The following PPARGC1A variants were observed in gnomAD, a reference collection of about 807,000 sequenced individuals.
The protein encoded by PPARGC1A is PPARG coactivator 1 alpha.
Under a neutral mutation model 88.7 loss-of-function variants are expected in PPARGC1A, and 25 were observed. The observed-to-expected ratio is 0.28, with a 90% CI of 0.21 to 0.39. PPARGC1A has a LOEUF of 0.39. Ranked by LOEUF, PPARGC1A falls within the 10% of genes least tolerant of loss-of-function variation. PPARGC1A has a pLI of 1.00. For missense variants in PPARGC1A, 880 were observed against 968.7 expected (o/e 0.91, Z 1.22); for synonymous variants, 363 against 355.6 (o/e 1.02, Z -0.24).
chr4:24,060,001 C>T, the PPARGC1A span, among the ~76,000 whole-genome samples: 2 of 152,308 alleles, frequency 1.3e-5, no homozygotes, highest in Non-Finnish European at 2.9e-5. Context: ...ACACCTGGGA[C>T]GTCACAGCAG....
the PPARGC1A span, among the ~76,000 whole-genome samples, chr4:24,289,242 A>AAAAAAAAAG: frequency 2.1e-5 from 2 of 95,800 alleles, no homozygotes; most frequent in African/African-American, 4.7e-5. Context: ...AAAAAAAAAA[A>AAAAAAAAAG]AGAGAGAGAG....
the PPARGC1A span, among the ~76,000 whole-genome samples, chr4:23,946,831 C>T: frequency 1.3e-5 from 2 of 150,938 alleles, no homozygotes; most frequent in Non-Finnish European, 3.0e-5. Flanking sequence ...CACACACATA[C>T]ACACACACAC....
chr4:24,203,127 A>G, the PPARGC1A span, among the ~76,000 whole-genome samples: 2 of 152,248 alleles, frequency 1.3e-5, no homozygotes, highest in Non-Finnish European at 1.5e-5. Flanking sequence ...TTTAAAATCC[A>G]ACCTGTGGTC....
At chr4:24,215,023 A>G in the PPARGC1A span, among the ~76,000 whole-genome samples, 1,687 of 152,308 alleles carry the variant, frequency 0.011, 10 homozygotes, top group East Asian at 0.057. Context: ...GTCCAGCAGA[A>G]AAAAAGAATC....
the PPARGC1A span, among the ~76,000 whole-genome samples, chr4:24,401,682 G>A: frequency 2.0e-5 from 3 of 152,078 alleles, no homozygotes; most frequent in East Asian, 3.9e-4. Context: ...TGGCAGAGTC[G>A]TTAAAAGCAC....
At chr4:24,442,534 A>T in the PPARGC1A span, among the ~76,000 whole-genome samples, 2 of 152,354 alleles carry the variant, frequency 1.3e-5, no homozygotes, top group East Asian at 3.9e-4. Flanking sequence ...AACAGTTTTA[A>T]TATGTAAGAG....
At chr4:23,921,571 T>C in the PPARGC1A span, among the ~76,000 whole-genome samples, 7 of 152,280 alleles carry the variant, frequency 4.6e-5, no homozygotes, top group Admixed American at 4.6e-4. Flanking sequence ...GACATTTCAC[T>C]GGCGACAATA....
the PPARGC1A span, among the ~76,000 whole-genome samples, chr4:24,078,571 T>G: frequency 6.0e-4 from 92 of 152,222 alleles, no homozygotes; most frequent in Middle Eastern, 3.4e-3. Context: ...CAGGTCTGTT[T>G]GGTCATTCTG....
the PPARGC1A span, among the ~76,000 whole-genome samples, chr4:23,995,095 C>A: frequency 6.6e-6 from 1 of 152,104 alleles, no homozygotes; most frequent in Non-Finnish European, 1.5e-5. Context: ...TAGTTAAAAA[C>A]CCCCAGTGGT....
the PPARGC1A span, among the ~76,000 whole-genome samples, chr4:24,250,337 A>T: frequency 6.6e-6 from 1 of 152,232 alleles, no homozygotes; most frequent in African/African-American, 2.4e-5. Flanking sequence ...ATAAGTTGAT[A>T]GGAAGGTAAA....
At chr4:24,294,963 A>T in the PPARGC1A span, among the ~76,000 whole-genome samples, 1 of 152,164 alleles carries the variant, frequency 6.6e-6, no homozygotes, top group Non-Finnish European at 1.5e-5. Flanking sequence ...CACCAGCATC[A>T]GCAAGCCCAT....
chr4:23,900,403 A>G (rs1719194673), upstream of PPARGC1A, among the ~76,000 whole-genome samples: 1 of 152,334 alleles, frequency 6.6e-6, no homozygotes, highest in African/African-American at 2.4e-5. Flanking sequence ...GGAACTCAAG[A>G]CAGTTACCTA....
At chr4:24,235,117 G>A in the PPARGC1A span, among the ~76,000 whole-genome samples, 9 of 152,100 alleles carry the variant, frequency 5.9e-5, no homozygotes, top group Non-Finnish European at 1.3e-4. Context: ...AACCACCAAG[G>A]TACCTAGAAT....
At chr4:24,091,336 A>G in the PPARGC1A span, 3 of 649,128 alleles carry the variant, frequency 4.6e-6, no homozygotes, top group Non-Finnish European at 5.7e-6. Context: ...GACACTACCC[A>G]TGACTTTTTT....
At chr4:24,319,214 A>G in the PPARGC1A span, among the ~76,000 whole-genome samples, 3 of 152,118 alleles carry the variant, frequency 2.0e-5, no homozygotes, top group African/African-American at 7.2e-5. Flanking sequence ...TGTGTGGTGC[A>G]TGCCTGTCGT....
chr4:24,413,988 T>TA, the PPARGC1A span, among the ~76,000 whole-genome samples: 2 of 152,148 alleles, frequency 1.3e-5, no homozygotes, highest in Non-Finnish European at 2.9e-5. Flanking sequence ...ACAAGGCTGG[T>TA]AAAAAGCAAA....
the PPARGC1A span, among the ~76,000 whole-genome samples, chr4:24,369,458 C>A: frequency 6.6e-6 from 1 of 152,048 alleles, no homozygotes; most frequent in Admixed American, 6.6e-5. Flanking sequence ...GCTTTACACC[C>A]TAAATGCACT....
At chr4:24,054,368 A>C in the PPARGC1A span, among the ~76,000 whole-genome samples, 1 of 151,996 alleles carries the variant, frequency 6.6e-6, no homozygotes, top group African/African-American at 2.4e-5. Flanking sequence ...CAGAGGAAGT[A>C]ACCCATCTGA....
the PPARGC1A span, among the ~76,000 whole-genome samples, chr4:24,211,229 T>C: frequency 6.6e-6 from 1 of 152,184 alleles, no homozygotes; most frequent in South Asian, 2.1e-4. Context: ...TTCTAAACAA[T>C]GAGAAACCTG....
Sources: allele counts gnomAD v4.1 joint callset (sites outside exome capture counted in the v4.1 genomes callset), GRCh38; gene constraint gnomAD v4.1.1; transcripts MANE v1.5; gene names NCBI Gene and HGNC (gene_info 2026-07-23, HGNC 2026-07-21).